Variants in DOCK8 observed in about 807,000 individuals in gnomAD.
The protein encoded by DOCK8 is dedicator of cytokinesis 8.
DOCK8 carries 141 observed loss-of-function variants against 245.6 expected under a neutral mutation model. That is an observed-to-expected ratio of 0.57 (90% CI 0.50 to 0.66). The LOEUF (loss-of-function observed/expected upper bound fraction) is 0.66, where lower values mean the gene tolerates loss of function less well. Ranked by LOEUF, DOCK8 falls within the 30% of genes least tolerant of loss-of-function variation. The pLI is 0.00. For synonymous variants in DOCK8, 1,168 were observed against 970.2 expected (o/e 1.20, Z -3.79); for missense variants, 2,965 against 2,603.4 (o/e 1.14, Z -3.02).
chr9:221,495 T>C (rs1316327396), intron 1 of DOCK8, among the ~76,000 whole-genome samples: 1 of 152,138 alleles, frequency 6.6e-6, no homozygotes, highest in South Asian at 2.1e-4. Flanking sequence ...TTAAGTATTA[T>C]AAATAATCTA....
intron 46 of DOCK8, among the ~76,000 whole-genome samples, chr9:457,644 A>G (rs544349521): frequency 6.6e-6 from 1 of 152,356 alleles, no homozygotes; most frequent in South Asian, 2.1e-4. Flanking sequence ...CAGGTATGTG[A>G]CTGGACAGGG....
At chr9:402,929 G>A (rs913011416) in intron 26 of DOCK8, among the ~76,000 whole-genome samples, 4 of 152,022 alleles carry the variant, frequency 2.6e-5, no homozygotes, top group Admixed American at 1.3e-4. Flanking sequence ...TTACTCTGTT[G>A]CCCAGGCCAG....
At chr9:308,918 A>G (rs937721423) in intron 5 of DOCK8, among the ~76,000 whole-genome samples, 2 of 152,208 alleles carry the variant, frequency 1.3e-5, no homozygotes, top group Non-Finnish European at 2.9e-5. Context: ...TGGCCTCCCA[A>G]AGTGCTGAGA....
At chr9:344,455 C>G (rs2051770680) in intron 14 of DOCK8, among the ~76,000 whole-genome samples, 2 of 151,982 alleles carry the variant, frequency 1.3e-5, no homozygotes, top group African/African-American at 4.8e-5. Context: ...GATGAGTGTC[C>G]CCTTTCCTGC....
intron 2 of DOCK8, among the ~76,000 whole-genome samples, 170 bp from the exon 3 acceptor site, chr9:286,291 A>G (rs557464312): frequency 3.0e-4 from 46 of 152,226 alleles, no homozygotes; most frequent in African/African-American, 1.1e-3. Context: ...ATTTTTTTCC[A>G]TATCACTACT....
At position 215,005 on chromosome 9, in the gene DOCK8, G is replaced by A; in HGVS notation, c.29G>A (p.Arg10His). MATLPSAERRAFALKINRYS... is the reference protein window; with the variant it reads MATLPSAERHAFALKINRYS... Reference sequence around the variant, plus strand: ...GCCACTCTGCCGAGCGCAGAGCGCCGCGCGTTCGCGCTCAAGATCAACAGG... The same window carrying A: ...GCCACTCTGCCGAGCGCAGAGCGCCACGCGTTCGCGCTCAAGATCAACAGG... The change falls in exon 1 of 48, where the codon CGC (arginine) becomes CAC (histidine). Residue 10 changes from arginine (R) to histidine (H), a missense_variant. Physicochemically the swap from Arg to His is conservative, Grantham distance 29 (BLOSUM62 0). Around this residue, in one of 3 missense-constraint regions of DOCK8, gnomAD observed 2,825 missense variants for 2,453.5 expected, o/e 1.15. Coordinates refer to ENST00000432829, the MANE Select transcript of DOCK8 (RefSeq NM_203447.4). 1.3e-6 allele frequency: 2 copies of A among 1,593,618 alleles called. No individual in the cohort carries two copies.
At chr9:334,521 A>G (rs986982954) in intron 11 of DOCK8, 137 bp downstream of exon 11, 30 of 872,212 alleles carry the variant, frequency 3.4e-5, no homozygotes, top group East Asian at 1.5e-4. Context: ...AGAATGAAAC[A>G]CTGTTATGAC....
chr9:336,439 GA>G, intron 11 of DOCK8, 142 bp from the exon 12 acceptor site: 3 of 1,157,136 alleles, frequency 2.6e-6, no homozygotes, highest in Non-Finnish European at 3.8e-6. Flanking sequence ...GGGGCCAATG[GA>G]AGGACATTTT....
At position 282,105 on chromosome 9, in the gene DOCK8, C is replaced by T. The variant is rs192394575; in HGVS notation, c.157-4356C>T. ...TGATATATGTTCTTTATCAAATTCC[C>T]CCCACCAAATAATGGCATTATTTAC... is the stretch of plus-strand genomic sequence containing the variant. On this transcript the variant is annotated intron_variant, in intron 2 of 47. Transcript: ENST00000432829. Among the ~76,000 whole-genome samples the T allele has an allele frequency of 9.1e-4, 138 of 152,292 alleles. 1 individual carries two copies. In the South Asian group the frequency reaches 0.014, roughly 16 times the overall value.
intron 11 of DOCK8, among the ~76,000 whole-genome samples, chr9:336,024 G>A (rs577843928): frequency 6.6e-6 from 1 of 152,326 alleles, no homozygotes; most frequent in Admixed American, 6.5e-5. Context: ...CCCAGCCCAA[G>A]TCTGAGTGTG....
chr9:258,759 G>C (rs531028759), intron 1 of DOCK8, among the ~76,000 whole-genome samples: 29 of 151,828 alleles, frequency 1.9e-4, no homozygotes, highest in African/African-American at 6.8e-4. Context: ...CACCATGCCC[G>C]GATAATTTTT....
intron 14 of DOCK8, among the ~76,000 whole-genome samples, chr9:356,323 T>C (rs2052442285): frequency 6.6e-6 from 1 of 151,884 alleles, no homozygotes; most frequent in African/African-American, 2.4e-5. Context: ...GGTCAGGAGA[T>C]TGAGACCATC....
chr9:401,822 G>A (rs981354752), intron 26 of DOCK8, among the ~76,000 whole-genome samples: 3 of 152,080 alleles, frequency 2.0e-5, no homozygotes, highest in East Asian at 1.9e-4. Context: ...CTGAACGCAC[G>A]CAGTCTCATC....
At chr9:251,252 CAA>C (rs1334992487) in intron 1 of DOCK8, among the ~76,000 whole-genome samples, 1 of 152,020 alleles carries the variant, frequency 6.6e-6, no homozygotes, top group Non-Finnish European at 1.5e-5. Context: ...TGGTGAAACA[CAA>C]AGAGACAAAC....
At chr9:396,334 C>T (rs775037784) in intron 24 of DOCK8, among the ~76,000 whole-genome samples, 22 of 152,182 alleles carry the variant, frequency 1.4e-4, no homozygotes, top group Non-Finnish European at 2.1e-4. Context: ...ATTTCTCCCA[C>T]GTTCTCCTTA....
intron 5 of DOCK8, among the ~76,000 whole-genome samples, chr9:305,960 T>C (rs1035460427): frequency 6.6e-6 from 1 of 152,160 alleles, no homozygotes; most frequent in African/African-American, 2.4e-5. Context: ...TATTGTTTAA[T>C]GGGTAGAGTT....
chr9:396,892 G>A lies in DOCK8; in HGVS notation c.3078G>A (p.Val1026=). The part of the protein sequence containing the change: ...FMDDITTIVN[V]VTSEIAALLV... Reference sequence around the variant, plus strand: ...ATGACATAACTACTATTGTTAATGTGGTCACCTCGGAAATTGCAGCCCTTT... The same window carrying A: ...ATGACATAACTACTATTGTTAATGTAGTCACCTCGGAAATTGCAGCCCTTT... The change falls in exon 25 of 48, where the codon GTG becomes GTA. Residue 1026 remains valine, a synonymous_variant. Coordinates refer to ENST00000432829, the MANE Select transcript of DOCK8 (RefSeq NM_203447.4). The A allele has an allele frequency of 6.2e-7, 1 of 1,613,876 alleles. No homozygotes were observed. Among genetic ancestry groups the A allele is most frequent in the Non-Finnish European group, 8.5e-7 (1 of 1,179,974 alleles).
chr9:401,931 C>T (rs1158568103), intron 26 of DOCK8, among the ~76,000 whole-genome samples: 2 of 152,184 alleles, frequency 1.3e-5, no homozygotes, highest in Non-Finnish European at 2.9e-5. Context: ...CTGACCCCTG[C>T]CCTGCAGCGG....
At chr9:268,100 T>C (rs1452359398) in intron 1 of DOCK8, 1 of 152,254 alleles carries the variant, frequency 6.6e-6, no homozygotes, top group Non-Finnish European at 1.5e-5. Context: ...TTCTGCTAGC[T>C]TAATATGTGT....
Sources: allele counts gnomAD v4.1 joint callset (sites outside exome capture counted in the v4.1 genomes callset), GRCh38; gene constraint gnomAD v4.1.1; regional missense constraint gnomAD v4.1.1; transcripts MANE v1.5; gene names NCBI Gene and HGNC (gene_info 2026-07-23, HGNC 2026-07-21).